Variants in MELK observed in about 807,000 individuals in gnomAD.
The protein encoded by MELK is maternal embryonic leucine zipper kinase, also known as pEg3 kinase.
In MELK, 81 loss-of-function variants were observed where a neutral mutation model predicts 85.0. That is an observed-to-expected ratio of 0.95 (90% confidence interval 0.80 to 1.15). MELK has a LOEUF of 1.15. Ranked by LOEUF, MELK falls within the 50% of genes most tolerant of loss-of-function variation. The probability of loss-of-function intolerance (pLI) is 0.00; values close to 1 mark genes in which losing one functional copy is unlikely to be tolerated. For missense variants in MELK, 754 were observed against 777.5 expected, an observed-to-expected ratio of 0.97 and a Z score of 0.36; for synonymous variants, 252 against 265.0, an observed-to-expected ratio of 0.95 and a Z score of 0.48.
At chr9:36,616,027 C>T (rs527778761) in intron 8 of MELK, among the ~76,000 whole-genome samples, 106 of 152,036 alleles carry the variant, frequency 7.0e-4, no homozygotes, top group Middle Eastern at 3.4e-3. Flanking sequence ...CCTCGGGCCC[C>T]GCGGGGCCCG....
At chr9:36,631,108 C>T (rs1249428812) in intron 9 of MELK, among the ~76,000 whole-genome samples, 1 of 150,066 alleles carries the variant, frequency 6.7e-6, no homozygotes, top group Non-Finnish European at 1.5e-5. Context: ...GTACTACAGG[C>T]GTGTGCCACT....
At chr9:36,661,924 G>A (rs1328285557) in intron 13 of MELK, among the ~76,000 whole-genome samples, 1 of 144,046 alleles carries the variant, frequency 6.9e-6, no homozygotes, top group Non-Finnish European at 1.5e-5. Context: ...GTGACAGAGC[G>A]AGACTCCGTC....
chr9:36,625,903 A>C (rs1371389909), intron 8 of MELK, among the ~76,000 whole-genome samples: 1 of 152,088 alleles, frequency 6.6e-6, no homozygotes, highest in Non-Finnish European at 1.5e-5. Context: ...CTCAAAAAAA[A>C]AAAGAAAAAA....
rs1331066972 is a variant in MELK at position 36,575,005 on chromosome 9, G to A, written c.-39+1998G>A. On this transcript the variant is annotated intron_variant, in intron 1 of 17. Transcript: ENST00000298048. Reference sequence around the variant, plus strand: ...CAAAAAATTAGCCGGGCGTGGTGGCGCACACCTGTAATCCCAGCTACTTGG... The same window carrying A: ...CAAAAAATTAGCCGGGCGTGGTGGCACACACCTGTAATCCCAGCTACTTGG... 4.6e-5 allele frequency among the ~76,000 whole-genome samples: 7 copies of A among 151,898 alleles called. No homozygotes were observed. In the South Asian group the frequency reaches 6.2e-4, roughly 14 times the overall value.
rs1166041789 is a variant in MELK at position 36,594,790 on chromosome 9, G to A, written c.405+19G>A. On this transcript the variant is annotated intron_variant, in intron 5 of 17. Coordinates refer to ENST00000298048, the MANE Select transcript of MELK (RefSeq NM_014791.4). ...CAAGCCAGTAAGTGACTGCATCACA[G>A]TTAGATGCTCACCTTCAGCGTCATT... The A allele has an allele frequency of 6.2e-7, 1 of 1,604,222 alleles. No individual in the cohort carries two copies. Among genetic ancestry groups the A allele is most frequent in the East Asian group, 2.2e-5 (1 of 44,566 alleles).
intron 1 of MELK, among the ~76,000 whole-genome samples, chr9:36,575,043 G>T (rs1821507041): frequency 6.6e-6 from 1 of 152,162 alleles, no homozygotes; most frequent in African/African-American, 2.4e-5. Flanking sequence ...GGCTGAGGCA[G>T]AATTGCTTGA....
intron 10 of MELK, among the ~76,000 whole-genome samples, chr9:36,640,295 A>C (rs10122093): frequency 0.02 from 2,969 of 152,132 alleles, 97 homozygotes; most frequent in African/African-American, 0.068. Context: ...AAAAATAAAG[A>C]AAAAAAAGAT....
intron 14 of MELK, among the ~76,000 whole-genome samples, chr9:36,666,807 T>A (rs1587620582): frequency 1.3e-5 from 2 of 151,612 alleles, no homozygotes; most frequent in Admixed American, 1.3e-4. Flanking sequence ...AATAACACTT[T>A]CCGCCAAAAT....
intron 8 of MELK, among the ~76,000 whole-genome samples, chr9:36,615,994 C>G (rs1184963770): frequency 1.3e-5 from 2 of 152,120 alleles, no homozygotes; most frequent in East Asian, 3.9e-4. Flanking sequence ...TTTGGGAGGC[C>G]AAGGCAGGCG....
chr9:36,579,170 G>A (rs2134863742), intron 1 of MELK, among the ~76,000 whole-genome samples: 1 of 152,344 alleles, frequency 6.6e-6, no homozygotes, highest in South Asian at 2.1e-4. Context: ...TGGGATTAGA[G>A]GCATGTGGCA....
At chr9:36,622,089 ATACT>A (rs1291315190) in intron 8 of MELK, among the ~76,000 whole-genome samples, 3 of 152,200 alleles carry the variant, frequency 2.0e-5, no homozygotes, top group Admixed American at 6.5e-5. Context: ...GTATTTACTA[ATACT>A]TGTATATTCT....
chr9:36,628,929 C>T (rs566583649), intron 8 of MELK, among the ~76,000 whole-genome samples: 2 of 145,900 alleles, frequency 1.4e-5, no homozygotes, highest in Admixed American at 6.9e-5. Flanking sequence ...TGCAGTGACA[C>T]GATCTGGGCT....
At chr9:36,605,218 A>AT (rs1298630274) in intron 7 of MELK, among the ~76,000 whole-genome samples, 2 of 151,020 alleles carry the variant, frequency 1.3e-5, no homozygotes, top group Admixed American at 6.6e-5. Flanking sequence ...TTTGCTTTGA[A>AT]TTTTTTTTGA....
intron 8 of MELK, among the ~76,000 whole-genome samples, chr9:36,624,177 G>A (rs1440129674): frequency 1.3e-5 from 2 of 150,132 alleles, no homozygotes; most frequent in Non-Finnish European, 2.9e-5. Flanking sequence ...TCCACCTTCC[G>A]GGTTCAAGTG....
chr9:36,669,321 T>G lies in MELK; in HGVS notation c.1420T>G (p.Cys474Gly). Residue 474 changes from cysteine to glycine, a missense_variant, in exon 15 of 18, where the codon TGC (cysteine) becomes GGC (glycine). Coordinates refer to ENST00000298048, the MANE Select transcript of MELK (RefSeq NM_014791.4). ...YTTPSKARNQ[C>G]LKETPIKIPV... is the part of the protein sequence containing the mutation. ...TCTGTTTCTAATAGCTAGAAACCAG[T>G]GCCTGAAAGAAACTCCAATTAAAAT... 1 of 1,607,826 alleles carries G rather than the reference T, an allele frequency of 6.2e-7. No individual in the cohort carries two copies. Among genetic ancestry groups the G allele is most frequent in the Non-Finnish European group, 8.5e-7 (1 of 1,176,902 alleles).
intron 10 of MELK, among the ~76,000 whole-genome samples, chr9:36,636,820 C>CTGTCTTTCT (rs199934493): frequency 3.0e-4 from 44 of 146,980 alleles, no homozygotes; most frequent in South Asian, 1.3e-3. Context: ...TTCTTTCTTT[C>CTGTCTTTCT]TGTCTTTCTT....
At chr9:36,604,402 G>A (rs923378794) in intron 7 of MELK, among the ~76,000 whole-genome samples, 2 of 147,120 alleles carry the variant, frequency 1.4e-5, no homozygotes, top group African/African-American at 5.0e-5. Context: ...GGGTTCAGGC[G>A]ATTCTCATTC....
rs547768520 is a variant in MELK at position 36,645,117 on chromosome 9, G to A, written c.921+2034G>A. On this transcript the variant is annotated intron_variant, in intron 11 of 17. Transcript: ENST00000298048. ...TACTAAAAATACAAAAATTAGCCGG[G>A]CGTGGTGGCACGTGCCTGTAATCCC... is the stretch of plus-strand genomic sequence containing the variant. Among the ~76,000 whole-genome samples the A allele has an allele frequency of 1.2e-4, 19 of 152,024 alleles. No individual in the cohort carries two copies. The East Asian group carries it at 3.3e-3, about 26-fold the overall frequency.
intron 2 of MELK, among the ~76,000 whole-genome samples, chr9:36,583,324 G>C (rs539173848): frequency 6.6e-6 from 1 of 151,938 alleles, no homozygotes; most frequent in Admixed American, 6.6e-5. Context: ...TTTGGCCTCA[G>C]CAACTTTATA....
Sources: allele counts gnomAD v4.1 joint callset (sites outside exome capture counted in the v4.1 genomes callset), GRCh38; gene constraint gnomAD v4.1.1; transcripts MANE v1.5; gene names NCBI Gene and HGNC (gene_info 2026-07-23, HGNC 2026-07-21).